Variants in CPPED1 observed in about 807,000 individuals in gnomAD.
The protein encoded by CPPED1 is calcineurin like phosphoesterase domain containing 1.
Under a neutral mutation model 28.0 loss-of-function variants are expected in CPPED1, and 28 were observed. That is an observed-to-expected ratio of 1.00 (90% CI 0.74 to 1.37). CPPED1 has a LOEUF of 1.37. Ranked by LOEUF, CPPED1 falls within the 40% of genes most tolerant of loss-of-function variation. CPPED1 has a pLI of 0.00. For synonymous variants in CPPED1, 198 were observed against 180.2 expected, an observed-to-expected ratio of 1.10 and a Z score of -0.79; for missense variants, 504 against 416.5, an observed-to-expected ratio of 1.21 and a Z score of -1.83.
intron 1 of CPPED1, among the ~76,000 whole-genome samples, chr16:12,795,620 G>A (rs1051981334): frequency 1.3e-5 from 2 of 152,102 alleles, no homozygotes; most frequent in Admixed American, 6.5e-5. Flanking sequence ...GATTACAGGC[G>A]TGAGCCACTG....
intron 3 of CPPED1, among the ~76,000 whole-genome samples, chr16:12,671,803 A>G (rs1361253934): frequency 1.3e-5 from 2 of 152,200 alleles, no homozygotes; most frequent in Admixed American, 1.3e-4. Context: ...TGGACGCCAT[A>G]TATGAAGGTG....
chr16:12,761,383 C>G (rs1289654617), intron 2 of CPPED1, among the ~76,000 whole-genome samples: 1 of 151,968 alleles, frequency 6.6e-6, no homozygotes, highest in Admixed American at 6.6e-5. Flanking sequence ...TACCCATCAG[C>G]TGGGCGGTGC....
intron 3 of CPPED1, among the ~76,000 whole-genome samples, chr16:12,699,398 C>T (rs1485114835): frequency 3.9e-5 from 6 of 152,006 alleles, no homozygotes; most frequent in East Asian, 1.9e-4. Flanking sequence ...GGGAAACCTG[C>T]ACTTGGAGGC....
chr16:12,693,342 C>G (rs370556813), intron 3 of CPPED1, among the ~76,000 whole-genome samples: 60 of 152,150 alleles, frequency 3.9e-4, no homozygotes, highest in African/African-American at 1.4e-3. Flanking sequence ...GCTGGGCGTG[C>G]ACCACAATGC....
At chr16:12,669,191 C>A (rs943462385) in intron 3 of CPPED1, among the ~76,000 whole-genome samples, 1 of 151,936 alleles carries the variant, frequency 6.6e-6, no homozygotes, top group African/African-American at 2.4e-5. Context: ...TGTAGATGCA[C>A]CTTAAAAATA....
At chr16:12,714,267 G>A (rs943861376) in intron 2 of CPPED1, among the ~76,000 whole-genome samples, 4 of 152,168 alleles carry the variant, frequency 2.6e-5, no homozygotes, top group Admixed American at 6.5e-5. Flanking sequence ...TTTCACATGT[G>A]AAAAGATGTG....
At chr16:12,701,406 C>G (rs375095772) in intron 3 of CPPED1, among the ~76,000 whole-genome samples, 2 of 151,986 alleles carry the variant, frequency 1.3e-5, no homozygotes, top group African/African-American at 4.8e-5. Flanking sequence ...TGGTGGTGCG[C>G]GCCTGTAATC....
chr16:12,717,569 C>T (rs2080114012), intron 2 of CPPED1, among the ~76,000 whole-genome samples: 1 of 151,934 alleles, frequency 6.6e-6, no homozygotes, highest in Admixed American at 6.6e-5. Context: ...CGGCTGGGAT[C>T]ATTTTTTAGT....
At position 12,719,162 on chromosome 16, in the gene CPPED1, T is replaced by C. The variant is rs533981014; in HGVS notation, c.290-14113A>G. Among the ~76,000 whole-genome samples, 3 of 152,070 alleles carry C rather than the reference T, an allele frequency of 2.0e-5. No individual in the cohort carries two copies. In the East Asian group the frequency reaches 5.8e-4, roughly 29 times the overall value. Reference sequence around the variant, plus strand: ...AACAGTATGGACTGGGAGGCTGAGGTGGGCGGATCACAAGGTCAGGAGATC... The same window carrying C: ...AACAGTATGGACTGGGAGGCTGAGGCGGGCGGATCACAAGGTCAGGAGATC... On this transcript the variant is annotated intron_variant, in intron 2 of 3. Coordinates refer to ENST00000381774, the MANE Select transcript of CPPED1 (RefSeq NM_018340.3).
At chr16:12,738,118 G>T (rs13332597) in intron 2 of CPPED1, among the ~76,000 whole-genome samples, 1 of 152,050 alleles carries the variant, frequency 6.6e-6, no homozygotes, top group Non-Finnish European at 1.5e-5. Context: ...GAGATAATCC[G>T]AATGTGCATC....
At chr16:12,722,951 G>A (rs1007919815) in intron 2 of CPPED1, among the ~76,000 whole-genome samples, 3 of 152,142 alleles carry the variant, frequency 2.0e-5, no homozygotes, top group Admixed American at 6.5e-5. Context: ...AAATTAACAG[G>A]AAGACATCGG....
chr16:12,799,278 A>G (rs1285567789), intron 1 of CPPED1, among the ~76,000 whole-genome samples: 1 of 145,162 alleles, frequency 6.9e-6, no homozygotes, highest in East Asian at 2.0e-4. Flanking sequence ...CACAGTCATC[A>G]CTCTGTCTCC....
At chr16:12,669,518 G>C (rs2079843086) in intron 3 of CPPED1, among the ~76,000 whole-genome samples, 2 of 152,150 alleles carry the variant, frequency 1.3e-5, no homozygotes, top group African/African-American at 4.8e-5. Context: ...AAATTTACAG[G>C]AAGAGGAGGA....
chr16:12,682,672 C>G lies in CPPED1; in HGVS notation c.716-17557G>C, dbSNP rs563975002. On this transcript the variant is annotated intron_variant, in intron 3 of 3. Coordinates refer to ENST00000381774, the MANE Select transcript of CPPED1 (RefSeq NM_018340.3). The surrounding 1 kb of genome is among the most constrained non-coding windows in gnomAD (Gnocchi z 6.1). ...AATCAGGGACACGCCCTGGGTGGCACAGCAGGAAGCTGCGTGTCTTGTACT... is the reference window on the plus strand; with the variant it reads ...AATCAGGGACACGCCCTGGGTGGCAGAGCAGGAAGCTGCGTGTCTTGTACT... Among the ~76,000 whole-genome samples the G allele has an allele frequency of 1.6e-4, 24 of 152,358 alleles. No individual in the cohort carries two copies. The highest frequency in any genetic ancestry group is 2.5e-4 in the Non-Finnish European group (17 of 68,032).
intron 2 of CPPED1, among the ~76,000 whole-genome samples, chr16:12,774,111 A>T (rs1021995005): frequency 3.3e-5 from 5 of 152,174 alleles, no homozygotes; most frequent in African/African-American, 1.2e-4. Context: ...CATCAGAAGC[A>T]GTTGAGGGAC....
At chr16:12,693,387 G>C (rs142904896) in intron 3 of CPPED1, among the ~76,000 whole-genome samples, 12 of 152,114 alleles carry the variant, frequency 7.9e-5, no homozygotes, top group Non-Finnish European at 4.4e-5. Flanking sequence ...TGTAGAGACA[G>C]GTTTCACCAT....
At chr16:12,727,814 C>T (rs111846756) in intron 2 of CPPED1, among the ~76,000 whole-genome samples, 151 of 152,262 alleles carry the variant, frequency 9.9e-4, no homozygotes, top group African/African-American at 3.4e-3. Flanking sequence ...TTGCAGCAGC[C>T]AGTAGTATTA....
intron 1 of CPPED1, among the ~76,000 whole-genome samples, chr16:12,787,401 CTT>C (rs2080569913): frequency 1.2e-5 from 1 of 82,820 alleles, no homozygotes; most frequent in Non-Finnish European, 2.5e-5. Context: ...ATGAATTTTT[CTT>C]TCTTTTTTTT....
chr16:12,778,127 C>A (rs1026771528), intron 2 of CPPED1, among the ~76,000 whole-genome samples: 3 of 151,758 alleles, frequency 2.0e-5, no homozygotes, highest in African/African-American at 7.3e-5. Context: ...CCAGGCTGGT[C>A]TCGAACTCCT....
Sources: gnomAD v4.1 joint callset for allele counts (sites outside exome capture counted in the v4.1 genomes callset) on GRCh38, gnomAD v4.1.1 for gene constraint, Gnocchi (gnomAD v3.1) non-coding constraint, MANE v1.5 for transcripts, NCBI Gene and HGNC (gene_info 2026-07-23, HGNC 2026-07-21) for gene names.